Variants in COL22A1 observed in about 807,000 individuals in gnomAD.
The protein encoded by COL22A1 is collagen type XXII alpha 1 chain.
A neutral mutation model predicts 248.9 loss-of-function variants in COL22A1; 221 were observed. The observed-to-expected ratio is 0.89, with a 90% CI of 0.80 to 0.99. The LOEUF is 0.99. Ranked by LOEUF, COL22A1 falls within the 50% of genes least tolerant of loss-of-function variation. The pLI, the probability that COL22A1 is intolerant of heterozygous loss-of-function variation, is 0.00. For synonymous variants in COL22A1, 891 were observed against 793.4 expected, an observed-to-expected ratio of 1.12 and a Z score of -2.07; for missense variants, 2,240 against 2,179.0, an observed-to-expected ratio of 1.03 and a Z score of -0.56.
intron 11 of COL22A1, among the ~76,000 whole-genome samples, chr8:138,800,664 C>G (rs780436469): frequency 2.1e-4 from 32 of 152,086 alleles, no homozygotes; most frequent in Admixed American, 1.9e-3. Context: ...ATCAGGCAGG[C>G]AATAATGATC....
At chr8:138,840,540 C>T (rs1002976441) in intron 4 of COL22A1, among the ~76,000 whole-genome samples, 13 of 149,212 alleles carry the variant, frequency 8.7e-5, no homozygotes, top group Non-Finnish European at 1.5e-4. Context: ...TGAGTACACA[C>T]ACACACACAC....
chr8:138,691,486 T>C (rs1564198812), intron 35 of COL22A1, among the ~76,000 whole-genome samples: 1 of 131,436 alleles, frequency 7.6e-6, no homozygotes, highest in Non-Finnish European at 1.6e-5. Context: ...TGTGGAGGTA[T>C]GTGTATGTGT....
At chr8:138,854,978 G>A (rs568642116) in intron 3 of COL22A1, among the ~76,000 whole-genome samples, 4 of 152,184 alleles carry the variant, frequency 2.6e-5, no homozygotes, top group South Asian at 4.1e-4. Context: ...GATGGTGGGA[G>A]GGGAGGATGG....
At chr8:138,769,225 A>G (rs73719985) in intron 16 of COL22A1, among the ~76,000 whole-genome samples, 11,136 of 152,200 alleles carry the variant, frequency 0.073, 661 homozygotes, top group East Asian at 0.22. Flanking sequence ...CATGACATGA[A>G]TGGATGCAGG....
In COL22A1 at chr8:138,709,789, AAAAGGTAAT is replaced by A. The variant is rs1375060574; in HGVS notation, c.2517+5884_2517+5892del. Among the ~76,000 whole-genome samples, 3 of 152,308 alleles carry A rather than the reference AAAAGGTAAT, an allele frequency of 2.0e-5. No individual in the cohort carries two copies. The East Asian group carries it at 5.8e-4, about 29-fold the overall frequency. ...TACCCTAGAACTTAAAGTATAATAA[AAAAGGTAAT>A]AAAGTTATTTCTTATCCATCTTCCT... On this transcript the variant is annotated intron_variant, in intron 30 of 64. Transcript: ENST00000303045.
intron 3 of COL22A1, among the ~76,000 whole-genome samples, chr8:138,845,887 G>A (rs1287592987): frequency 6.6e-6 from 1 of 152,068 alleles, no homozygotes; most frequent in Non-Finnish European, 1.5e-5. Flanking sequence ...GAAGCAATTT[G>A]GTTATCACAC....
At chr8:138,761,369 C>G (rs748915462) in intron 17 of COL22A1, among the ~76,000 whole-genome samples, 6 of 152,040 alleles carry the variant, frequency 3.9e-5, no homozygotes, top group Non-Finnish European at 8.8e-5. Context: ...TTGAGTCAGG[C>G]CTTTGGTGAA....
chr8:138,847,242 A>G (rs964056404), intron 3 of COL22A1, among the ~76,000 whole-genome samples: 2 of 152,324 alleles, frequency 1.3e-5, no homozygotes, highest in Admixed American at 6.5e-5. Flanking sequence ...TTGAGCAGAA[A>G]TGACTTCTGA....
chr8:138,699,004 A>G (rs1396749902), intron 32 of COL22A1, among the ~76,000 whole-genome samples: 2 of 152,230 alleles, frequency 1.3e-5, no homozygotes, highest in East Asian at 1.9e-4. Flanking sequence ...GAAGAAACAT[A>G]AGGAACATTT....
At position 138,722,326 on chromosome 8, in the gene COL22A1, A is replaced by G. The variant is rs539599114; in HGVS notation, c.2248-237T>C. The G allele has an allele frequency of 7.2e-5, 39 of 544,892 alleles. 1 individual carries two copies. The South Asian group carries it at 8.4e-4, about 12-fold the overall frequency. 33.8% of individuals were successfully genotyped at this position (544,892 alleles called of 1,614,324 possible). ...CTGGGCAATGTCTGATTTTCAGTAC[A>G]CTGGCCATGCATGGAGGGTGGGGGC... On this transcript the variant is annotated intron_variant, in intron 25 of 64. Coordinates refer to ENST00000303045, the MANE Select transcript of COL22A1 (RefSeq NM_152888.3).
At chr8:138,842,423 A>G (rs937740859) in intron 4 of COL22A1, among the ~76,000 whole-genome samples, 6 of 152,350 alleles carry the variant, frequency 3.9e-5, no homozygotes, top group African/African-American at 1.4e-4. Context: ...CGGCTCCCAA[A>G]GCCACAGGTA....
chr8:138,859,782 G>A (rs571739586), intron 3 of COL22A1, among the ~76,000 whole-genome samples: 8 of 152,278 alleles, frequency 5.3e-5, no homozygotes, highest in South Asian at 2.1e-4. Context: ...GATGGGCATC[G>A]GTGTGGCCTC....
intron 37 of COL22A1, among the ~76,000 whole-genome samples, chr8:138,688,306 A>T (rs1172045331): frequency 6.6e-6 from 1 of 152,044 alleles, no homozygotes; most frequent in Non-Finnish European, 1.5e-5. Context: ...GGATCACTTG[A>T]GTCCAGGAGT....
At chr8:138,668,153 GTATAT>G (rs1038637961) in intron 41 of COL22A1, among the ~76,000 whole-genome samples, 14 of 152,114 alleles carry the variant, frequency 9.2e-5, no homozygotes, top group African/African-American at 1.7e-4. Flanking sequence ...TTTTTAAGGG[GTATAT>G]TATAAGATTG....
At chr8:138,767,611 C>T (rs543595958) in intron 16 of COL22A1, among the ~76,000 whole-genome samples, 1 of 152,352 alleles carries the variant, frequency 6.6e-6, no homozygotes, top group Non-Finnish European at 1.5e-5. Context: ...GAACCAAGTG[C>T]TGAAACAGGC....
intron 51 of COL22A1, among the ~76,000 whole-genome samples, chr8:138,624,336 T>C (rs140664056): frequency 1.1e-3 from 169 of 152,148 alleles, no homozygotes; most frequent in African/African-American, 3.8e-3. Context: ...AACAGAGTGA[T>C]AAAGAAACAG....
In COL22A1 at chr8:138,802,903, G is replaced by T; in HGVS notation, c.1526C>A (p.Ala509Asp). Residue 509 changes from alanine (A) to aspartate (D), a missense_variant, in exon 11 of 65, where the codon GCT (alanine) becomes GAT (aspartate). Physicochemically the swap from Ala to Asp is moderately radical, Grantham distance 126. Transcript: ENST00000303045. ...GDIGAIGPVG[A>D]PGPKGEKGDV... is the part of the protein sequence containing the mutation. ...ACCTTTCTCTCCCTTAGGTCCAGGA[G>T]CGCCAACCGGCCCAATGGCTCCTAT... 1 of 1,614,068 alleles carries T rather than the reference G, an allele frequency of 6.2e-7. No homozygotes were observed. The highest frequency in any genetic ancestry group is 8.5e-7 in the Non-Finnish European group (1 of 1,179,920).
intron 12 of COL22A1, among the ~76,000 whole-genome samples, chr8:138,791,881 T>C (rs1394877978): frequency 6.6e-6 from 1 of 152,190 alleles, no homozygotes; most frequent in Non-Finnish European, 1.5e-5. Flanking sequence ...CAGTAAAATT[T>C]AGCTGAGTTT....
At chr8:138,733,997 C>T (rs971898091) in intron 23 of COL22A1, among the ~76,000 whole-genome samples, 7 of 152,116 alleles carry the variant, frequency 4.6e-5, no homozygotes, top group Admixed American at 1.3e-4. Flanking sequence ...TTGGAGCCTG[C>T]GGAAATTATT....
Sources: allele counts gnomAD v4.1 joint callset (sites outside exome capture counted in the v4.1 genomes callset), GRCh38; gene constraint gnomAD v4.1.1; transcripts MANE v1.5; gene names NCBI Gene and HGNC (gene_info 2026-07-23, HGNC 2026-07-21).